RGCC: variants seen among roughly 807,000 people sequenced by gnomAD.
RGCC encodes regulator of cell cycle.
A neutral mutation model predicts 15.4 loss-of-function variants in RGCC; 15 were observed. The ratio of observed to expected loss-of-function variants is 0.97; its 90% CI spans 0.65 to 1.50. RGCC has a LOEUF of 1.50. RGCC is among the 40% of genes most tolerant of loss of function. RGCC has a pLI of 0.00. For missense variants in RGCC, 176 were observed against 189.7 expected (o/e 0.93, Z 0.42); for synonymous variants, 81 against 78.0 (o/e 1.04, Z -0.20).
chr13:41,458,513 T>C lies in RGCC; in HGVS notation c.235+43T>C, dbSNP rs1418298465. ...TAGGATGGCGCCGGGATCTCCCAGC[T>C]CCCAGGACCTGCCCCGCGAAGGCTG... is the stretch of plus-strand genomic sequence containing the variant. On this transcript the variant is annotated intron_variant, in intron 2 of 4. Coordinates refer to ENST00000379359, the MANE Select transcript of RGCC (RefSeq NM_014059.3). This position sits in a 1 kb window ranked among gnomAD's most constrained non-coding sequence, Gnocchi z 4.4. The C allele has an allele frequency of 2.1e-5, 32 of 1,545,090 alleles. No individual in the cohort carries two copies. Among genetic ancestry groups the C allele is most frequent in the Non-Finnish European group, 2.7e-5 (31 of 1,148,552 alleles).
At chr13:41,468,635 G>A in intron 3 of RGCC, 141 bp from the exon 4 acceptor site, 1 of 681,138 alleles carries the variant, frequency 1.5e-6, no homozygotes, top group Non-Finnish European at 2.6e-6. Flanking sequence ...AAGATAAGGA[G>A]GTAGATGTAA....
intron 4 of RGCC, among the ~76,000 whole-genome samples, chr13:41,469,292 T>TAAGAAGAAGAAGAAG (rs1440435520): frequency 4.9e-4 from 40 of 82,060 alleles, no homozygotes; most frequent in African/African-American, 1.5e-3. Flanking sequence ...ATAATAATAA[T>TAAGAAGAAGAAGAAG]AATAAGAAGA....
At position 41,458,308 on chromosome 13, in the gene RGCC, G is replaced by T. The variant is rs868285960; in HGVS notation, c.73G>T (p.Ala25Ser). The T allele has an allele frequency of 2.5e-6, 4 of 1,581,100 alleles. No homozygotes were observed. The highest frequency in any genetic ancestry group is 2.6e-6 in the Non-Finnish European group (3 of 1,170,766). ...AAAPALDSAA[A>S]EDLSDALCEF... ...AGCCCCGGCCCTGGACTCGGCGGCC[G>T]CGGAGGACCTGTCGGACGCGCTGTG... Residue 25 changes from alanine to serine, a missense_variant, in exon 2 of 5, where the codon GCG becomes TCG. Ala to Ser is a moderately conservative substitution (Grantham distance 99, BLOSUM62 1). Coordinates refer to ENST00000379359, the MANE Select transcript of RGCC (RefSeq NM_014059.3). This position sits in a 1 kb window ranked among gnomAD's most constrained non-coding sequence, Gnocchi z 4.4.
intron 2 of RGCC, among the ~76,000 whole-genome samples, chr13:41,463,829 T>C (rs2043834357): frequency 6.6e-6 from 1 of 152,208 alleles, no homozygotes; most frequent in Non-Finnish European, 1.5e-5. Flanking sequence ...ATTCCTTTTT[T>C]CCCCTGCTAA....
chr13:41,463,459 T>C (rs1593576945), intron 2 of RGCC, among the ~76,000 whole-genome samples: 1 of 98,410 alleles, frequency 1.0e-5, no homozygotes, highest in South Asian at 4.4e-4. Flanking sequence ...GGGCGTGAGC[T>C]AATGTGTATC....
chr13:41,463,017 C>T (rs985452764), intron 2 of RGCC, among the ~76,000 whole-genome samples: 1 of 152,158 alleles, frequency 6.6e-6, no homozygotes, highest in African/African-American at 2.4e-5. Context: ...ATTACCTTTT[C>T]TCTCTCAGGA....
At position 41,470,475 on chromosome 13, in the gene RGCC, C is replaced by T. The variant is rs778338465; in HGVS notation, c.407-3C>T. ...GATAACCTTACCTATCTCTCATTTA[C>T]AGGTATGTGAAACAAGAAGTTCTGG... On this transcript the variant is annotated splice_polypyrimidine_tract_variant and splice_region_variant and intron_variant, in intron 4 of 4. Transcript: ENST00000379359. 6.2e-7 allele frequency: 1 copy of T among 1,613,552 alleles called. No homozygotes were observed. The highest frequency in any genetic ancestry group is 1.1e-5 in the South Asian group (1 of 91,034).
chr13:41,458,281 G>T lies in RGCC; in HGVS notation c.50-4G>T. 1.3e-6 allele frequency: 2 copies of T among 1,564,534 alleles called. No individual in the cohort carries two copies. The highest frequency in any genetic ancestry group is 1.2e-5 in the South Asian group (1 of 86,602). ...GTGCACTGAGCCCCTGGCCCTGCCC[G>T]CAGCCCCGGCCCTGGACTCGGCGGC... On this transcript the variant is annotated splice_polypyrimidine_tract_variant and splice_region_variant and intron_variant, in intron 1 of 4. Coordinates refer to ENST00000379359, the MANE Select transcript of RGCC (RefSeq NM_014059.3). This position sits in a 1 kb window ranked among gnomAD's most constrained non-coding sequence, Gnocchi z 4.4.
At chr13:41,465,909 G>A (rs537233903) in intron 2 of RGCC, among the ~76,000 whole-genome samples, 1 of 152,180 alleles carries the variant, frequency 6.6e-6, no homozygotes, top group South Asian at 2.1e-4. Context: ...GAGGCTCAGA[G>A]GGCAGAAGGG....
rs2139577773 is a variant in RGCC at position 41,467,048 on chromosome 13, T to A, written c.343+118T>A. The A allele has an allele frequency of 7.2e-6, 5 of 697,930 alleles. No homozygotes were observed. In the Admixed American group the frequency reaches 1.1e-4, roughly 15 times the overall value. 43.2% of individuals were successfully genotyped at this position (697,930 alleles called of 1,614,324 possible). A position where few individuals can be genotyped will look rare whatever the true frequency, so the allele number is the denominator to read the frequency against. On this transcript the variant is annotated intron_variant, in intron 3 of 4. Transcript: ENST00000379359. Reference sequence around the variant, plus strand: ...TTCTCAAATGTACAAAACAAATAGGTAAGACTAATGTCTTAATACTGTAGA... The same window carrying A: ...TTCTCAAATGTACAAAACAAATAGGAAAGACTAATGTCTTAATACTGTAGA...
At chr13:41,470,178 G>A (rs1312444748) in intron 4 of RGCC, among the ~76,000 whole-genome samples, 1 of 152,168 alleles carries the variant, frequency 6.6e-6, no homozygotes, top group East Asian at 1.9e-4. Context: ...TTTGAAAATT[G>A]AAGATTTTAT....
At chr13:41,469,460 G>A (rs2043865720) in intron 4 of RGCC, among the ~76,000 whole-genome samples, 1 of 152,072 alleles carries the variant, frequency 6.6e-6, no homozygotes, top group Non-Finnish European at 1.5e-5. Flanking sequence ...AATGGAGAGC[G>A]AGCAAGACTG....
Position 41,457,651 on chromosome 13 carries a change from C to G in RGCC, c.-57C>G, listed in dbSNP as rs926792813. 1.3e-6 allele frequency: 2 copies of G among 1,502,534 alleles called. No homozygotes were observed. Among genetic ancestry groups the G allele is most frequent in the Middle Eastern group, 2.4e-4 (1 of 4,248 alleles). The allele number at this position is 1,502,534 out of a possible 1,614,324, so 93.1% of individuals were successfully genotyped here. ...GGGACAGCAAGCCCCCGAATAGCCC[C>G]GGCTGCCACCTCGCAGGACCCAAGG... is the stretch of plus-strand genomic sequence containing the variant. On this transcript the variant is annotated 5_prime_UTR_variant, in exon 1 of 5. Transcript: ENST00000379359. This position sits in a 1 kb window ranked among gnomAD's most constrained non-coding sequence, Gnocchi z 4.9.
intron 4 of RGCC, among the ~76,000 whole-genome samples, chr13:41,469,276 A>G (rs866717996): frequency 2.7e-4 from 27 of 98,958 alleles, no homozygotes; most frequent in South Asian, 1.9e-3. Context: ...AATAATAATA[A>G]TAATAATAAT....
intron 3 of RGCC, among the ~76,000 whole-genome samples, chr13:41,468,145 C>T (rs1366138863): frequency 6.6e-6 from 1 of 152,162 alleles, no homozygotes; most frequent in Non-Finnish European, 1.5e-5. Flanking sequence ...CTGTCCTGGG[C>T]CCAGAAGACT....
rs1274088130 is a variant in RGCC, at chr13:41,468,758, C to G, written c.344-18C>G. On this transcript the variant is annotated intron_variant, in intron 3 of 4. Coordinates refer to ENST00000379359, the MANE Select transcript of RGCC (RefSeq NM_014059.3). The stretch of plus-strand genomic sequence containing the variant: ...CTGAACTCTCTCTCTCTCTCTCTCT[C>G]CCTCTCCTGTTTCACAGCTAAATTA... 2 of 1,576,484 alleles carry G rather than the reference C, an allele frequency of 1.3e-6. No homozygotes were observed. Among genetic ancestry groups the G allele is most frequent in the South Asian group, 2.2e-5 (2 of 90,370 alleles).
intron 2 of RGCC, among the ~76,000 whole-genome samples, chr13:41,460,917 C>T (rs115998723): frequency 2.4e-3 from 358 of 152,204 alleles, no homozygotes; most frequent in African/African-American, 8.1e-3. Flanking sequence ...ACCAACCTTA[C>T]AAGGAAGATC....
chr13:41,469,405 A>ACAGTGAGAACAGGTCACTAG (rs2043865402), intron 4 of RGCC, among the ~76,000 whole-genome samples: 1 of 152,154 alleles, frequency 6.6e-6, no homozygotes, highest in Non-Finnish European at 1.5e-5. Flanking sequence ...GCGTTTCCAA[A>ACAGTGAGAACAGGTCACTAG]CAGTGAGAAC....
At chr13:41,463,580 T>C (rs1266157408) in intron 2 of RGCC, among the ~76,000 whole-genome samples, 1 of 152,028 alleles carries the variant, frequency 6.6e-6, no homozygotes, top group Non-Finnish European at 1.5e-5. Context: ...TGTTTCTATA[T>C]AAATAGATAT....
Sources: allele counts gnomAD v4.1 joint callset (sites outside exome capture counted in the v4.1 genomes callset), GRCh38; gene constraint gnomAD v4.1.1; non-coding constraint Gnocchi (gnomAD v3.1); transcripts MANE v1.5; gene names NCBI Gene and HGNC (gene_info 2026-07-23, HGNC 2026-07-21).